CORIN: variants seen among roughly 807,000 people sequenced by gnomAD.
CORIN encodes atrial natriuretic peptide-converting enzyme.
CORIN carries 117 observed loss-of-function variants against 125.3 expected under a neutral mutation model. The ratio of observed to expected loss-of-function variants is 0.93; its 90% CI spans 0.80 to 1.09. The LOEUF (loss-of-function observed/expected upper bound fraction) is 1.09. Ranked by LOEUF, CORIN falls within the 50% of genes least tolerant of loss-of-function variation. The probability of loss-of-function intolerance (pLI) is 0.00; values close to 1 mark genes in which losing one functional copy is unlikely to be tolerated. For synonymous variants in CORIN, 450 were observed against 466.4 expected (o/e 0.96, Z 0.45); for missense variants, 1,253 against 1,306.7 (o/e 0.96, Z 0.63).
At chr4:47,816,464 G>T (rs1261653688) in intron 1 of CORIN, among the ~76,000 whole-genome samples, 2 of 152,016 alleles carry the variant, frequency 1.3e-5, no homozygotes, top group African/African-American at 2.4e-5. Flanking sequence ...GTGTTATAGG[G>T]CTATAAAGAT....
At chr4:47,651,473 T>G (rs1008814030) in intron 13 of CORIN, among the ~76,000 whole-genome samples, 2 of 152,210 alleles carry the variant, frequency 1.3e-5, no homozygotes, top group Non-Finnish European at 2.9e-5. Context: ...CCTTATTTGA[T>G]TTGAAGTGGT....
chr4:47,721,260 T>A (rs1727336111), intron 5 of CORIN, among the ~76,000 whole-genome samples: 1 of 151,526 alleles, frequency 6.6e-6, no homozygotes, highest in African/African-American at 2.4e-5. Context: ...TCCACCCCCA[T>A]AACCTCATTT....
intron 4 of CORIN, among the ~76,000 whole-genome samples, chr4:47,757,336 G>A (rs1354579908): frequency 6.6e-6 from 1 of 152,122 alleles, no homozygotes; most frequent in Non-Finnish European, 1.5e-5. Context: ...GCTCACACCT[G>A]TAATCCCAGT....
chr4:47,827,524 C>T (rs973671966), intron 1 of CORIN, among the ~76,000 whole-genome samples: 1 of 152,102 alleles, frequency 6.6e-6, no homozygotes, highest in African/African-American at 2.4e-5. Context: ...TGTCTATGCA[C>T]CTCTGCACCC....
At chr4:47,740,946 T>A (rs962720202) in intron 5 of CORIN, among the ~76,000 whole-genome samples, 2 of 151,934 alleles carry the variant, frequency 1.3e-5, no homozygotes, top group Non-Finnish European at 2.9e-5. Flanking sequence ...TACAGAAAAG[T>A]TAATTTAAAA....
chr4:47,654,627 C>A (rs561463134), intron 12 of CORIN, among the ~76,000 whole-genome samples: 1 of 152,298 alleles, frequency 6.6e-6, no homozygotes. Context: ...TTTAGATGAA[C>A]CCCAGCCAAA....
intron 13 of CORIN, among the ~76,000 whole-genome samples, chr4:47,647,264 A>G (rs1723532674): frequency 6.6e-6 from 1 of 152,304 alleles, no homozygotes; most frequent in African/African-American, 2.4e-5. Context: ...AGAGCAAAAG[A>G]CATCAAGAAA....
At chr4:47,771,002 G>T (rs1730001901) in intron 3 of CORIN, among the ~76,000 whole-genome samples, 1 of 152,050 alleles carries the variant, frequency 6.6e-6, no homozygotes, top group Non-Finnish European at 1.5e-5. Flanking sequence ...TGTACACTTT[G>T]AAAATTGCTA....
chr4:47,703,589 G>A (rs1726406373), intron 5 of CORIN, among the ~76,000 whole-genome samples: 1 of 152,172 alleles, frequency 6.6e-6, no homozygotes, highest in Non-Finnish European at 1.5e-5. Flanking sequence ...CTGAGCTTCA[G>A]TTTCCTTACC....
intron 16 of CORIN, 88 bp downstream of exon 16, chr4:47,641,832 C>G: frequency 6.7e-7 from 1 of 1,482,048 alleles, no homozygotes; most frequent in Non-Finnish European, 9.2e-7. Context: ...AGAGCACTAA[C>G]TCTCTGTGCA....
intron 12 of CORIN, among the ~76,000 whole-genome samples, chr4:47,659,226 T>C (rs1286567648): frequency 6.6e-6 from 1 of 152,182 alleles, no homozygotes; most frequent in Non-Finnish European, 1.5e-5. Flanking sequence ...TTCCAAACTT[T>C]CCCTCATCTT....
chr4:47,685,652 C>A (rs144551581), intron 6 of CORIN, among the ~76,000 whole-genome samples: 2 of 151,882 alleles, frequency 1.3e-5, no homozygotes, highest in African/African-American at 4.8e-5. Flanking sequence ...GTAAATTATA[C>A]CTCAATAAAG....
At chr4:47,784,067 A>T (rs1363092130) in intron 3 of CORIN, among the ~76,000 whole-genome samples, 1 of 152,148 alleles carries the variant, frequency 6.6e-6, no homozygotes, top group African/African-American at 2.4e-5. Context: ...TACATCAACT[A>T]ATTTCTCTAA....
intron 13 of CORIN, among the ~76,000 whole-genome samples, chr4:47,645,436 G>A (rs1159961563): frequency 6.7e-6 from 1 of 148,330 alleles, no homozygotes; most frequent in Admixed American, 6.7e-5. Flanking sequence ...GGGCAACAGA[G>A]CGAGACTTTG....
At chr4:47,672,297 T>C (rs1724797240) in intron 10 of CORIN, among the ~76,000 whole-genome samples, 1 of 152,180 alleles carries the variant, frequency 6.6e-6, no homozygotes, top group Admixed American at 6.5e-5. Context: ...ATTTATTCTT[T>C]TGACAGGAGA....
intron 14 of CORIN, among the ~76,000 whole-genome samples, chr4:47,644,665 T>C (rs1278413460): frequency 6.6e-6 from 1 of 152,200 alleles, no homozygotes; most frequent in African/African-American, 2.4e-5. Flanking sequence ...TATGTGTAGA[T>C]ATATGTACTT....
intron 16 of CORIN, among the ~76,000 whole-genome samples, chr4:47,637,166 A>G (rs1723058464): frequency 6.6e-6 from 1 of 152,170 alleles, no homozygotes; most frequent in South Asian, 2.1e-4. Flanking sequence ...TTTGAACTTG[A>G]CAGATGATTT....
chr4:47,817,909 TGTAGATTTACCCTTCTACAGCTG>T (rs1274158729), intron 1 of CORIN, among the ~76,000 whole-genome samples: 9 of 152,202 alleles, frequency 5.9e-5, no homozygotes, highest in African/African-American at 1.4e-4. Context: ...TGGATTCAGC[TGTAGATTTACCCTTCTACAGCTG>T]GTAGATTTAC....
chr4:47,804,138 A>G (rs967335273), intron 2 of CORIN, among the ~76,000 whole-genome samples: 1 of 152,230 alleles, frequency 6.6e-6, no homozygotes, highest in African/African-American at 2.4e-5. Flanking sequence ...AGAAATGCAA[A>G]TCAAAACTAC....
Sources: gnomAD v4.1 joint callset for allele counts (sites outside exome capture counted in the v4.1 genomes callset) on GRCh38, gnomAD v4.1.1 for gene constraint, MANE v1.5 for transcripts, NCBI Gene and HGNC (gene_info 2026-07-23, HGNC 2026-07-21) for gene names.